SEMA3E: variants seen among roughly 807,000 people sequenced by gnomAD.
SEMA3E encodes the protein semaphorin 3E.
In SEMA3E, 49 loss-of-function variants were observed where a neutral mutation model predicts 93.6. That is an observed-to-expected ratio of 0.52 (90% CI 0.42 to 0.66). The LOEUF is 0.66. SEMA3E is among the 30% of genes least tolerant of loss of function. The pLI, the probability that SEMA3E is intolerant of heterozygous loss-of-function variation, is 0.00. For missense variants in SEMA3E, 906 were observed against 964.8 expected, an observed-to-expected ratio of 0.94 and a Z score of 0.81; for synonymous variants, 363 against 330.7, an observed-to-expected ratio of 1.10 and a Z score of -1.06.
At chr7:83,639,133 AAAAAAAAC>A (rs1172604606) in intron 1 of SEMA3E, among the ~76,000 whole-genome samples, 2,121 of 138,756 alleles carry the variant, frequency 0.015, 203 homozygotes, top group East Asian at 0.085. Flanking sequence ...AAAAAAAAAA[AAAAAAAAC>A]AGAGATTCCT....
In SEMA3E at chr7:83,392,638, G is replaced by A. The variant is rs763218213; in HGVS notation, c.1584C>T (p.Asp528=). The change falls in exon 14 of 17, where the codon GAC becomes GAT. Residue 528 remains aspartate, a synonymous_variant. Transcript: ENST00000643230. The part of the protein sequence containing the change: ...HCDMYGSACA[D]CCLARDPYCA... ...AGTAAGGGTCTCGAGCCAGGCAGCAGTCAGCACAAGCACTTCCATACATGT... is the reference window on the plus strand; with the variant it reads ...AGTAAGGGTCTCGAGCCAGGCAGCAATCAGCACAAGCACTTCCATACATGT... 6.2e-7 allele frequency: 1 copy of A among 1,613,900 alleles called. No homozygotes were observed. The highest frequency in any genetic ancestry group is 8.5e-7 in the Non-Finnish European group (1 of 1,179,902).
intron 12 of SEMA3E, among the ~76,000 whole-genome samples, chr7:83,395,359 T>C (rs998962304): frequency 5.3e-5 from 8 of 152,154 alleles, no homozygotes; most frequent in African/African-American, 1.9e-4. Context: ...CTGCTTCTCA[T>C]TTATAAAGTC....
intron 5 of SEMA3E, among the ~76,000 whole-genome samples, chr7:83,410,918 G>C (rs747176587): frequency 2.0e-5 from 3 of 152,042 alleles, no homozygotes; most frequent in Non-Finnish European, 4.4e-5. Context: ...CTGTGGGCTG[G>C]TCTGAATCTT....
intron 1 of SEMA3E, among the ~76,000 whole-genome samples, chr7:83,536,404 A>G (rs534345148): frequency 2.0e-5 from 3 of 152,234 alleles, no homozygotes; most frequent in Admixed American, 6.5e-5. Context: ...ACAATTACCT[A>G]TACATTTTAG....
At chr7:83,607,907 T>C (rs1474543045) in intron 1 of SEMA3E, among the ~76,000 whole-genome samples, 2 of 152,122 alleles carry the variant, frequency 1.3e-5, no homozygotes, top group East Asian at 1.9e-4. Flanking sequence ...TATAACCAGA[T>C]TGGAATTTTT....
chr7:83,546,412 G>A (rs145152964), intron 1 of SEMA3E, among the ~76,000 whole-genome samples: 72 of 150,832 alleles, frequency 4.8e-4, no homozygotes, highest in African/African-American at 1.7e-3. Flanking sequence ...TAGCTCTAGG[G>A]CTAGTGGGGA....
intron 5 of SEMA3E, among the ~76,000 whole-genome samples, chr7:83,410,919 T>G (rs1788427952): frequency 6.6e-6 from 1 of 152,136 alleles, no homozygotes; most frequent in East Asian, 1.9e-4. Flanking sequence ...TGTGGGCTGG[T>G]CTGAATCTTT....
intron 14 of SEMA3E, among the ~76,000 whole-genome samples, chr7:83,387,687 T>C: frequency 6.6e-6 from 1 of 151,604 alleles, no homozygotes; most frequent in African/African-American, 2.4e-5. Flanking sequence ...CAAGAAATAT[T>C]AGTATTTTCC....
At chr7:83,376,800 C>T (rs953174224) in intron 16 of SEMA3E, among the ~76,000 whole-genome samples, 16 of 151,992 alleles carry the variant, frequency 1.1e-4, no homozygotes, top group African/African-American at 3.6e-4. Context: ...ATACAATTAA[C>T]TATTTTAAAG....
At chr7:83,637,724 A>G (rs1781488614) in intron 1 of SEMA3E, among the ~76,000 whole-genome samples, 1 of 151,296 alleles carries the variant, frequency 6.6e-6, no homozygotes, top group South Asian at 2.1e-4. Context: ...AGGCCTCCTC[A>G]GCCCTGTGGA....
In SEMA3E at chr7:83,564,317, G is replaced by A. The variant is rs906632314; in HGVS notation, c.116-74043C>T. Among the ~76,000 whole-genome samples, 10 of 152,246 alleles carry A rather than the reference G, an allele frequency of 6.6e-5. No homozygotes were observed. The East Asian group carries it at 1.9e-3, about 29-fold the overall frequency. On this transcript the variant is annotated intron_variant, in intron 1 of 16. Transcript: ENST00000643230. Reference sequence around the variant, plus strand: ...GCCTGTTAGCCCAGCTACTCAGGAGGCTGAGACAGGAGAATCACTTGAACT... The same window carrying A: ...GCCTGTTAGCCCAGCTACTCAGGAGACTGAGACAGGAGAATCACTTGAACT...
intron 1 of SEMA3E, among the ~76,000 whole-genome samples, chr7:83,501,073 T>C (rs1320933876): frequency 6.6e-6 from 1 of 152,240 alleles, no homozygotes; most frequent in Non-Finnish European, 1.5e-5. Flanking sequence ...TCTTATACAA[T>C]ATTTAAAACT....
rs754585892 is a variant in SEMA3E at position 83,392,731 on chromosome 7, T to C, written c.1501-10A>G. 6.2e-7 allele frequency: 1 copy of C among 1,613,488 alleles called. No individual in the cohort carries two copies. ...CAATATACAGCTGTTGCTACAGAAA[T>C]CAGAAAGAGGTCACTAGCAGAAATG... is the stretch of plus-strand genomic sequence containing the variant. On this transcript the variant is annotated splice_polypyrimidine_tract_variant and intron_variant, in intron 13 of 16. Coordinates refer to ENST00000643230, the MANE Select transcript of SEMA3E (RefSeq NM_012431.3).
intron 1 of SEMA3E, among the ~76,000 whole-genome samples, chr7:83,534,513 A>C (rs549172920): frequency 6.6e-6 from 1 of 152,362 alleles, no homozygotes; most frequent in East Asian, 1.9e-4. Context: ...TAGAAATAAA[A>C]GTAAAAATCT....
intron 1 of SEMA3E, among the ~76,000 whole-genome samples, chr7:83,537,342 A>G (rs1791427505): frequency 6.6e-6 from 1 of 152,188 alleles, no homozygotes; most frequent in Non-Finnish European, 1.5e-5. Context: ...TACATATTGC[A>G]GCTTTCTTCC....
chr7:83,458,157 T>C (rs958959206), intron 4 of SEMA3E, among the ~76,000 whole-genome samples: 3 of 151,742 alleles, frequency 2.0e-5, no homozygotes, highest in Non-Finnish European at 4.4e-5. Flanking sequence ...TTCAATCATA[T>C]TTAAAGATTC....
chr7:83,491,738 C>A (rs1216298365), intron 1 of SEMA3E, among the ~76,000 whole-genome samples: 14 of 151,898 alleles, frequency 9.2e-5, no homozygotes, highest in Admixed American at 9.2e-4. Context: ...AGAGTATTAG[C>A]AAAAATTTCA....
chr7:83,622,237 C>T (rs188427709), intron 1 of SEMA3E, among the ~76,000 whole-genome samples: 193 of 152,134 alleles, frequency 1.3e-3, no homozygotes, highest in Middle Eastern at 3.4e-3. Flanking sequence ...AGAAGCTCAA[C>T]ATCACTGATC....
At chr7:83,561,892 G>C (rs1339258713) in intron 1 of SEMA3E, among the ~76,000 whole-genome samples, 1 of 152,068 alleles carries the variant, frequency 6.6e-6, no homozygotes, top group Non-Finnish European at 1.5e-5. Flanking sequence ...AATATCTAAA[G>C]ATTGAGTTTT....
Sources: gnomAD v4.1 joint callset for allele counts (sites outside exome capture counted in the v4.1 genomes callset) on GRCh38, gnomAD v4.1.1 for gene constraint, MANE v1.5 for transcripts, NCBI Gene and HGNC (gene_info 2026-07-23, HGNC 2026-07-21) for gene names.